Variants in EHMT1 observed in about 807,000 individuals in gnomAD.
EHMT1 encodes histone-lysine N-methyltransferase EHMT1.
EHMT1 carries 15 observed loss-of-function variants against 147.2 expected under a neutral mutation model. The observed-to-expected ratio is 0.10, with a 90% CI of 0.07 to 0.16. EHMT1 has a LOEUF of 0.16. EHMT1 is among the 10% of genes least tolerant of loss of function. The probability of loss-of-function intolerance (pLI) is 1.00; values close to 1 mark genes in which losing one functional copy is unlikely to be tolerated. For synonymous variants in EHMT1, 795 were observed against 709.6 expected (o/e 1.12, Z -1.91); for missense variants, 1,587 against 1,772.4 (o/e 0.90, Z 1.88).
intron 10 of EHMT1, among the ~76,000 whole-genome samples, chr9:137,774,786 G>A (rs1950837421): frequency 6.6e-6 from 1 of 150,476 alleles, no homozygotes; most frequent in South Asian, 2.1e-4. Context: ...TGGATCTGGT[G>A]GGTGTGGGCA....
Position 137,835,564 on chromosome 9 carries a change from T to A in EHMT1, c.*611T>A, listed in dbSNP as rs1394126021. On this transcript the variant is annotated 3_prime_UTR_variant, in exon 27 of 27. Transcript: ENST00000460843. ...TATATCTAGTCCTATATATCAAACC[T>A]CTAACTGACGTTTCTTTTCGAGGAA... 1 of 152,580 alleles carries A rather than the reference T, an allele frequency of 6.6e-6. No homozygotes were observed. Among genetic ancestry groups the A allele is most frequent in the Non-Finnish European group, 1.5e-5 (1 of 67,994 alleles). The allele number at this position is 152,580 out of a possible 1,614,324, so 9.5% of individuals were successfully genotyped here.
intron 6 of EHMT1, chr9:137,746,887 A>G (rs1948585414): frequency 6.6e-6 from 1 of 152,252 alleles, no homozygotes; most frequent in African/African-American, 2.4e-5. Context: ...GAATAACTCT[A>G]GGTATTTGTC....
intron 9 of EHMT1, among the ~76,000 whole-genome samples, chr9:137,758,966 A>T (rs1949592538): frequency 6.6e-6 from 1 of 152,100 alleles, no homozygotes; most frequent in South Asian, 2.1e-4. Flanking sequence ...TCTCTACTAA[A>T]AATACAAAAA....
chr9:137,686,730 C>G (rs1221683760), intron 1 of EHMT1, among the ~76,000 whole-genome samples: 1 of 111,010 alleles, frequency 9.0e-6, no homozygotes, highest in Non-Finnish European at 1.9e-5. Flanking sequence ...CTCATTCTTT[C>G]TTTTTTTTTT....
At chr9:137,794,771 C>G (rs1475356286) in intron 16 of EHMT1, among the ~76,000 whole-genome samples, 1 of 151,848 alleles carries the variant, frequency 6.6e-6, no homozygotes, top group African/African-American at 2.4e-5. Context: ...CTGAAAGAAG[C>G]AAAGCCAAAA....
At chr9:137,700,915 C>T (rs533830718) in intron 1 of EHMT1, among the ~76,000 whole-genome samples, 21 of 152,252 alleles carry the variant, frequency 1.4e-4, no homozygotes, top group African/African-American at 4.3e-4. Context: ...GAGGTTTAAT[C>T]GGTTCATGGT....
chr9:137,742,939 C>A (rs749924084), intron 4 of EHMT1: 2 of 272,754 alleles, frequency 7.3e-6, no homozygotes, highest in African/African-American at 4.5e-5. Context: ...TCCTGCTCCG[C>A]GCTGCGTCCT....
intron 3 of EHMT1, among the ~76,000 whole-genome samples, chr9:137,720,439 G>A (rs1945835007): frequency 6.6e-6 from 1 of 151,996 alleles, no homozygotes; most frequent in Admixed American, 6.6e-5. Context: ...GAGTAGCTGG[G>A]TTTACAGATG....
chr9:137,772,590 G>T (rs571719915), intron 10 of EHMT1, among the ~76,000 whole-genome samples: 1 of 152,208 alleles, frequency 6.6e-6, no homozygotes, highest in Non-Finnish European at 1.5e-5. Context: ...GGGTTCTGCC[G>T]GTGCGGACCC....
chr9:137,688,111 C>T (rs1942616710), intron 1 of EHMT1, among the ~76,000 whole-genome samples: 1 of 152,158 alleles, frequency 6.6e-6, no homozygotes, highest in African/African-American at 2.4e-5. Flanking sequence ...CCAACCTCTG[C>T]CTCCTGGGTT....
At chr9:137,742,913 A>G in intron 4 of EHMT1, 1 of 246,020 alleles carries the variant, frequency 4.1e-6, no homozygotes, top group Non-Finnish European at 7.9e-6. Context: ...TGTGCTGGGA[A>G]GGGAGGCTGG....
At chr9:137,814,997 G>A (rs1189079465) in intron 22 of EHMT1, among the ~76,000 whole-genome samples, 1 of 152,142 alleles carries the variant, frequency 6.6e-6, no homozygotes, top group East Asian at 1.9e-4. Context: ...CTGAGGAGGA[G>A]ACGGGAGTGG....
chr9:137,722,563 C>A (rs142266173), intron 3 of EHMT1, among the ~76,000 whole-genome samples: 1 of 152,154 alleles, frequency 6.6e-6, no homozygotes, highest in Admixed American at 6.5e-5. Flanking sequence ...GTGGGCCCCA[C>A]GGAGGTGGTG....
intron 1 of EHMT1, among the ~76,000 whole-genome samples, chr9:137,636,185 G>A (rs1432528717): frequency 6.6e-6 from 1 of 152,128 alleles, no homozygotes; most frequent in African/African-American, 2.4e-5. Flanking sequence ...CTCCCAGAGT[G>A]CTGGGATTAT....
At chr9:137,733,580 G>GT (rs1395250363) in intron 4 of EHMT1, among the ~76,000 whole-genome samples, 1 of 152,196 alleles carries the variant, frequency 6.6e-6, no homozygotes, top group Non-Finnish European at 1.5e-5. Flanking sequence ...CAGCCCTGTG[G>GT]TGCAGGGTGT....
intron 16 of EHMT1, 72 bp from the exon 17 acceptor site, chr9:137,798,741 A>C: frequency 1.6e-6 from 2 of 1,249,930 alleles, no homozygotes; most frequent in Non-Finnish European, 2.4e-6. Flanking sequence ...GTTCTCCTGG[A>C]TCCCGCACTC....
intron 1 of EHMT1, among the ~76,000 whole-genome samples, chr9:137,699,922 T>C (rs998513575): frequency 1.3e-5 from 2 of 152,218 alleles, no homozygotes; most frequent in African/African-American, 2.4e-5. Context: ...GTTGTGATTA[T>C]TGCATGCTTA....
intron 1 of EHMT1, among the ~76,000 whole-genome samples, chr9:137,680,362 A>T (rs1941820913): frequency 6.6e-6 from 1 of 151,934 alleles, no homozygotes; most frequent in Non-Finnish European, 1.5e-5. Flanking sequence ...GATCCCAGCT[A>T]CTTGGGAGGC....
chr9:137,675,630 A>ATTT (rs61666243), intron 1 of EHMT1, among the ~76,000 whole-genome samples: 2 of 105,736 alleles, frequency 1.9e-5, no homozygotes, highest in African/African-American at 4.2e-5. Flanking sequence ...CGCCCGGCTA[A>ATTT]TTTTTTTTTT....
Sources: allele counts gnomAD v4.1 joint callset (sites outside exome capture counted in the v4.1 genomes callset), GRCh38; gene constraint gnomAD v4.1.1; transcripts MANE v1.5; gene names NCBI Gene and HGNC (gene_info 2026-07-23, HGNC 2026-07-21).